The following ABCC4 variants were observed in gnomAD, a reference collection of about 807,000 sequenced individuals.
ABCC4 encodes the protein ATP-binding cassette sub-family C member 4.
A neutral mutation model predicts 168.5 loss-of-function variants in ABCC4; 102 were observed. The ratio of observed to expected loss-of-function variants is 0.61; its 90% CI spans 0.52 to 0.71. The LOEUF (loss-of-function observed/expected upper bound fraction) is 0.71, where lower values mean the gene tolerates loss of function less well. ABCC4 is among the 30% of genes least tolerant of loss of function. The pLI is 0.00. For missense variants in ABCC4, 1,402 were observed against 1,605.8 expected, an observed-to-expected ratio of 0.87 and a Z score of 2.17; for synonymous variants, 617 against 590.7, an observed-to-expected ratio of 1.04 and a Z score of -0.65.
intron 4 of ABCC4, among the ~76,000 whole-genome samples, 180 bp from the exon 5 acceptor site, chr13:95,210,961 G>A (rs1447774047): frequency 6.6e-6 from 1 of 151,412 alleles, no homozygotes; most frequent in African/African-American, 2.4e-5. Flanking sequence ...TGGCAGCTGT[G>A]TCAGGACAGC....
chr13:95,171,839 G>A (rs1016101311), intron 13 of ABCC4, among the ~76,000 whole-genome samples: 3 of 152,210 alleles, frequency 2.0e-5, no homozygotes, highest in Non-Finnish European at 2.9e-5. Context: ...ACATATCTTA[G>A]TTTGGCTTAT....
chr13:95,192,850 CAG>C (rs921540024), intron 9 of ABCC4, among the ~76,000 whole-genome samples: 22 of 152,230 alleles, frequency 1.4e-4, no homozygotes, highest in African/African-American at 5.1e-4. Flanking sequence ...CCCTGGGAGA[CAG>C]AGGTTACAGT....
chr13:95,272,909 A>T (rs557353003), intron 1 of ABCC4, among the ~76,000 whole-genome samples: 1 of 149,974 alleles, frequency 6.7e-6, no homozygotes, highest in East Asian at 2.1e-4. Flanking sequence ...AAATAAAAAA[A>T]TAAAATAAAC....
At chr13:95,047,683 C>A (rs142186805) in intron 27 of ABCC4, among the ~76,000 whole-genome samples, 11 of 151,886 alleles carry the variant, frequency 7.2e-5, no homozygotes, top group Non-Finnish European at 1.5e-5. Flanking sequence ...TGGGGTTTCA[C>A]CATATTGGCC....
At chr13:95,105,199 C>A (rs984841338) in intron 20 of ABCC4, among the ~76,000 whole-genome samples, 1 of 151,952 alleles carries the variant, frequency 6.6e-6, no homozygotes, top group Admixed American at 6.6e-5. Context: ...TCACAATGTT[C>A]ACAGGGTTCG....
chr13:95,091,418 G>A (rs1291894530), intron 20 of ABCC4, among the ~76,000 whole-genome samples: 2 of 152,090 alleles, frequency 1.3e-5, no homozygotes, highest in African/African-American at 4.8e-5. Context: ...AACCTATAAA[G>A]GAAAACCTAT....
intron 6 of ABCC4, among the ~76,000 whole-genome samples, chr13:95,208,777 T>C (rs1815344): frequency 0.65 from 98,593 of 151,588 alleles, 32,187 homozygotes; most frequent in African/African-American, 0.69. Flanking sequence ...TGTACCACCA[T>C]GCCCAGCTAA....
intron 19 of ABCC4, among the ~76,000 whole-genome samples, chr13:95,143,892 G>T (rs2036401274): frequency 6.6e-6 from 1 of 152,138 alleles, no homozygotes; most frequent in Admixed American, 6.5e-5. Flanking sequence ...CCCATTGTGG[G>T]ACTAACTCAT....
In ABCC4 at chr13:95,150,599, C is replaced by T. The variant is rs1048874632; in HGVS notation, c.2455+10590G>A. 7.9e-5 allele frequency among the ~76,000 whole-genome samples: 12 copies of T among 152,072 alleles called. 1 individual carries two copies. The highest frequency in any genetic ancestry group is 1.5e-4 in the Non-Finnish European group (10 of 67,992). ...TTAAACGAGGAAGAAATTTCTCAAA[C>T]ATTAATCCTGGTGACCAAGAATGAG... On this transcript the variant is annotated intron_variant, in intron 19 of 30. Coordinates refer to ENST00000645237, the MANE Select transcript of ABCC4 (RefSeq NM_005845.5).
intron 20 of ABCC4, among the ~76,000 whole-genome samples, chr13:95,102,554 G>A (rs951431312): frequency 5.3e-5 from 8 of 151,906 alleles, no homozygotes; most frequent in African/African-American, 1.9e-4. Context: ...AAAGTTCTGG[G>A]ATTACAGGCA....
intron 1 of ABCC4, among the ~76,000 whole-genome samples, chr13:95,280,632 T>G (rs2041096611): frequency 6.6e-6 from 1 of 151,290 alleles, no homozygotes. Context: ...ATTCCTTCCC[T>G]TTTCTGTGTC....
chr13:95,115,514 A>G (rs1426695401), intron 20 of ABCC4, among the ~76,000 whole-genome samples: 1 of 151,966 alleles, frequency 6.6e-6, no homozygotes, highest in Non-Finnish European at 1.5e-5. Context: ...AAAAAAAAAA[A>G]AAAGTGCCTA....
At chr13:95,061,669 T>TTA (rs113197872) in intron 26 of ABCC4, among the ~76,000 whole-genome samples, 2 of 126,692 alleles carry the variant, frequency 1.6e-5, no homozygotes, top group East Asian at 4.6e-4. Context: ...TATAGAGTGT[T>TTA]AAAAAAAAAA....
chr13:95,061,764 T>A (rs559398203), intron 26 of ABCC4, among the ~76,000 whole-genome samples: 128 of 151,880 alleles, frequency 8.4e-4, no homozygotes, highest in African/African-American at 2.9e-3. Flanking sequence ...AAGGACAGGA[T>A]GGAACTGTGA....
At chr13:95,171,221 C>A (rs1317371024) in intron 13 of ABCC4, among the ~76,000 whole-genome samples, 2 of 151,620 alleles carry the variant, frequency 1.3e-5, no homozygotes, top group Non-Finnish European at 1.5e-5. Flanking sequence ...TCTCATTAGT[C>A]CTAAACAGTC....
intron 27 of ABCC4, among the ~76,000 whole-genome samples, chr13:95,049,128 G>A (rs2032717350): frequency 1.3e-5 from 2 of 151,848 alleles, no homozygotes; most frequent in Non-Finnish European, 2.9e-5. Flanking sequence ...GAGGTCAGGA[G>A]TTTGAGACCA....
rs200017194 is a variant in ABCC4, at chr13:95,043,759, G to A, written c.3658C>T (p.Arg1220Trp). Reference protein sequence around the residue: ...RTDELIQKKIREKFAHCTVLT... With the variant: ...RTDELIQKKIWEKFAHCTVLT... Reference sequence around the variant, plus strand: ...ACGGTGCAGTGGGCAAATTTCTCCCGGATTTTTTTTTGTATTAACTCATCA... The same window carrying A: ...ACGGTGCAGTGGGCAAATTTCTCCCAGATTTTTTTTTGTATTAACTCATCA... Residue 1220 changes from arginine (R) to tryptophan (W), a missense_variant, in exon 29 of 31, where the codon CGG (arginine) becomes TGG (tryptophan). This residue lies in a region of ABCC4 where 1,007 missense variants were observed against 1,127.3 expected (regional missense o/e 0.89). Transcript: ENST00000645237. 195 of 1,613,340 alleles carry A rather than the reference G, an allele frequency of 1.2e-4. No individual in the cohort carries two copies. The highest frequency in any genetic ancestry group is 1.6e-4 in the Middle Eastern group (1 of 6,084).
At chr13:95,210,353 T>C (rs1277921594) in intron 5 of ABCC4, among the ~76,000 whole-genome samples, 2 of 152,240 alleles carry the variant, frequency 1.3e-5, no homozygotes, top group Non-Finnish European at 2.9e-5. Context: ...AATCCTTTTG[T>C]AGTTCATGAG....
At chr13:95,126,121 C>T (rs564632508) in intron 19 of ABCC4, among the ~76,000 whole-genome samples, 1 of 152,168 alleles carries the variant, frequency 6.6e-6, no homozygotes, top group African/African-American at 2.4e-5. Context: ...AAGAAATCAC[C>T]AATCTCTTGA....
Sources: allele counts gnomAD v4.1 joint callset (sites outside exome capture counted in the v4.1 genomes callset), GRCh38; gene constraint gnomAD v4.1.1; regional missense constraint gnomAD v4.1.1; transcripts MANE v1.5; gene names NCBI Gene and HGNC (gene_info 2026-07-23, HGNC 2026-07-21).